Variants in FAF1 observed in about 807,000 individuals in gnomAD.
FAF1 encodes FAS-associated factor 1.
Under a neutral mutation model 92.5 loss-of-function variants are expected in FAF1, and 25 were observed. The ratio of observed to expected loss-of-function variants is 0.27; its 90% confidence interval spans 0.20 to 0.38. The LOEUF (loss-of-function observed/expected upper bound fraction) is 0.38, where lower values mean the gene tolerates loss of function less well. Among genes scored for constraint, FAF1 ranks in the 10% least tolerant of loss-of-function variants. The probability of loss-of-function intolerance (pLI) is 1.00; values close to 1 mark genes in which losing one functional copy is unlikely to be tolerated. For missense variants in FAF1, 636 were observed against 793.3 expected, an observed-to-expected ratio of 0.80 and a Z score of 2.38; for synonymous variants, 234 against 273.2, an observed-to-expected ratio of 0.86 and a Z score of 1.42.
chr1:50,907,316 A>C (rs944940530), intron 1 of FAF1, among the ~76,000 whole-genome samples: 3 of 152,234 alleles, frequency 2.0e-5, no homozygotes, highest in Non-Finnish European at 2.9e-5. Flanking sequence ...ATCGATGTTC[A>C]TCAGGGATAT....
chr1:50,802,887 T>A (rs935292781), intron 2 of FAF1, among the ~76,000 whole-genome samples: 1 of 152,258 alleles, frequency 6.6e-6, no homozygotes, highest in Admixed American at 6.5e-5. Flanking sequence ...TTTTGTGAAA[T>A]ACTAACTTAA....
chr1:50,587,307 A>G (rs956558832), intron 9 of FAF1, among the ~76,000 whole-genome samples: 7 of 152,222 alleles, frequency 4.6e-5, no homozygotes, highest in African/African-American at 1.7e-4. Context: ...AAAATTCCAG[A>G]AAACAAAATC....
At chr1:50,472,419 A>G (rs1646586964) in intron 18 of FAF1, among the ~76,000 whole-genome samples, 1 of 135,850 alleles carries the variant, frequency 7.4e-6, no homozygotes, top group Non-Finnish European at 1.7e-5. Context: ...ACACACACAC[A>G]CACAAACCCC....
At chr1:50,582,866 A>G (rs1443861558) in intron 11 of FAF1, among the ~76,000 whole-genome samples, 167 bp from the exon 12 acceptor site, 1 of 152,150 alleles carries the variant, frequency 6.6e-6, no homozygotes, top group Non-Finnish European at 1.5e-5. Flanking sequence ...TGGTTTTTAG[A>G]ATTCTTCTTG....
At chr1:50,834,283 G>A (rs1416360073) in intron 2 of FAF1, among the ~76,000 whole-genome samples, 5 of 152,064 alleles carry the variant, frequency 3.3e-5, no homozygotes, top group Non-Finnish European at 5.9e-5. Context: ...ATTAAATTTC[G>A]TTTCTTTATA....
chr1:50,881,382 C>T (rs183365546), intron 1 of FAF1, among the ~76,000 whole-genome samples: 107 of 152,250 alleles, frequency 7.0e-4, no homozygotes, highest in African/African-American at 2.5e-3. Flanking sequence ...AGGCTACTTT[C>T]AAAGTTGTCC....
At chr1:50,921,432 T>C (rs75691618) in intron 1 of FAF1, among the ~76,000 whole-genome samples, 1,947 of 152,274 alleles carry the variant, frequency 0.013, 37 homozygotes, top group African/African-American at 0.043. Context: ...AGGTCCTACA[T>C]CTGGAAGTGA....
chr1:50,469,999 CT>C, intron 18 of FAF1, among the ~76,000 whole-genome samples: 1 of 152,158 alleles, frequency 6.6e-6, no homozygotes, highest in Non-Finnish European at 1.5e-5. Flanking sequence ...TTCATCTTGG[CT>C]TATTTTGAGA....
At chr1:50,758,911 C>T (rs1046745405) in intron 4 of FAF1, among the ~76,000 whole-genome samples, 28 of 151,970 alleles carry the variant, frequency 1.8e-4, no homozygotes, top group Non-Finnish European at 4.0e-4. Flanking sequence ...GGTGCGATCT[C>T]GGCTCTCTGC....
chr1:50,701,779 T>G (rs1185129991), intron 7 of FAF1, among the ~76,000 whole-genome samples: 1 of 152,082 alleles, frequency 6.6e-6, no homozygotes, highest in South Asian at 2.1e-4. Context: ...ATCACTACTT[T>G]GTACAAACTG....
chr1:50,784,432 A>C (rs1226490667), intron 4 of FAF1, among the ~76,000 whole-genome samples: 1 of 152,216 alleles, frequency 6.6e-6, no homozygotes, highest in Non-Finnish European at 1.5e-5. Flanking sequence ...TTAAGAAAAC[A>C]GTCCCATTTA....
At chr1:50,689,583 G>GAA (rs201107021) in intron 7 of FAF1, among the ~76,000 whole-genome samples, 1 of 151,044 alleles carries the variant, frequency 6.6e-6, no homozygotes, top group African/African-American at 2.4e-5. Flanking sequence ...GACTCCGTCT[G>GAA]AAAAAAAACA....
intron 15 of FAF1, among the ~76,000 whole-genome samples, chr1:50,495,591 G>A (rs1341088156): frequency 6.6e-6 from 1 of 152,162 alleles, no homozygotes; most frequent in African/African-American, 2.4e-5. Context: ...ATATCTCTTT[G>A]ATATACTGAT....
At chr1:50,568,710 C>T (rs775902338) in intron 12 of FAF1, among the ~76,000 whole-genome samples, 5 of 152,144 alleles carry the variant, frequency 3.3e-5, no homozygotes, top group Non-Finnish European at 5.9e-5. Flanking sequence ...ACTAATACAA[C>T]GAGGATTGGC....
rs75930273 is a variant in FAF1 at position 50,854,108 on chromosome 1, T to A, written c.114+3821A>T. Among the ~76,000 whole-genome samples, 106 of 152,130 alleles carry A rather than the reference T, an allele frequency of 7.0e-4. 4 individuals carry two copies. In the East Asian group the frequency reaches 0.02, roughly 28 times the overall value. On this transcript the variant is annotated intron_variant, in intron 2 of 18. Transcript: ENST00000396153. ...AGGGCTCTTCATTCAATTAATGCAG[T>A]GTGTTTACCACTATAGCTAACATTT...
intron 18 of FAF1, among the ~76,000 whole-genome samples, chr1:50,446,609 A>G (rs961667177): frequency 3.3e-5 from 5 of 152,256 alleles, no homozygotes; most frequent in Non-Finnish European, 5.9e-5. Flanking sequence ...GAATAGCAGC[A>G]GCAATACTTG....
At chr1:50,495,926 T>C (rs760285293) in intron 15 of FAF1, among the ~76,000 whole-genome samples, 1 of 152,180 alleles carries the variant, frequency 6.6e-6, no homozygotes, top group Non-Finnish European at 1.5e-5. Flanking sequence ...TAGTTCAGCA[T>C]AGTCCTCTAT....
intron 6 of FAF1, among the ~76,000 whole-genome samples, chr1:50,708,022 C>T (rs1254152817): frequency 6.6e-6 from 1 of 152,216 alleles, no homozygotes; most frequent in Admixed American, 6.5e-5. Context: ...GTTGGTCACA[C>T]TGGTCTTGAA....
At chr1:50,518,834 G>C (rs1647337614) in intron 15 of FAF1, among the ~76,000 whole-genome samples, 1 of 152,172 alleles carries the variant, frequency 6.6e-6, no homozygotes, top group Non-Finnish European at 1.5e-5. Flanking sequence ...TTAACTTTCT[G>C]AGAAACTGCC....
Sources: allele counts gnomAD v4.1 joint callset (sites outside exome capture counted in the v4.1 genomes callset), GRCh38; gene constraint gnomAD v4.1.1; transcripts MANE v1.5; gene names NCBI Gene and HGNC (gene_info 2026-07-23, HGNC 2026-07-21).